Variants in GRID2 observed in about 807,000 individuals in gnomAD.
GRID2 encodes glutamate ionotropic receptor delta type subunit 2.
A neutral mutation model predicts 114.8 loss-of-function variants in GRID2; 33 were observed. That is an observed-to-expected ratio of 0.29 (90% CI 0.22 to 0.38). The LOEUF is 0.38. GRID2 is among the 10% of genes least tolerant of loss of function. The probability of loss-of-function intolerance (pLI) is 1.00; values close to 1 mark genes in which losing one functional copy is unlikely to be tolerated. For synonymous variants in GRID2, 505 were observed against 449.9 expected, an observed-to-expected ratio of 1.12 and a Z score of -1.55; for missense variants, 1,184 against 1,257.7, an observed-to-expected ratio of 0.94 and a Z score of 0.89.
At chr4:93,644,330 T>C (rs1217295612) in intron 14 of GRID2, among the ~76,000 whole-genome samples, 1 of 47,920 alleles carries the variant, frequency 2.1e-5, no homozygotes, top group Non-Finnish European at 4.1e-5. Flanking sequence ...CCATCTTGGC[T>C]CCTCCCCACT....
chr4:92,784,657 T>C (rs1482218417), intron 2 of GRID2, among the ~76,000 whole-genome samples: 1 of 151,920 alleles, frequency 6.6e-6, no homozygotes, highest in Non-Finnish European at 1.5e-5. Context: ...GTCAATACTT[T>C]AGTGTTTGCT....
At chr4:92,689,925 C>G (rs1313655497) in intron 2 of GRID2, among the ~76,000 whole-genome samples, 2 of 152,144 alleles carry the variant, frequency 1.3e-5, no homozygotes, top group African/African-American at 4.8e-5. Context: ...GGGCCTTACT[C>G]TGGATTAGGC....
intron 1 of GRID2, among the ~76,000 whole-genome samples, chr4:92,474,604 A>C (rs577720411): frequency 1.7e-4 from 26 of 152,224 alleles, no homozygotes; most frequent in Admixed American, 1.4e-3. Context: ...CCTGTTTTTC[A>C]TAATGATGGT....
intron 2 of GRID2, among the ~76,000 whole-genome samples, chr4:92,760,450 A>G (rs1737951115): frequency 6.6e-6 from 1 of 152,106 alleles, no homozygotes; most frequent in Non-Finnish European, 1.5e-5. Flanking sequence ...GGTCACAGCC[A>G]GTGCTTGTGA....
At chr4:92,575,412 CTG>C (rs1727836556) in intron 1 of GRID2, among the ~76,000 whole-genome samples, 1 of 152,136 alleles carries the variant, frequency 6.6e-6, no homozygotes, top group African/African-American at 2.4e-5. Context: ...TGTGAGTTTT[CTG>C]TGTTTTTGCA....
At chr4:92,811,387 T>C (rs1740656359) in intron 2 of GRID2, among the ~76,000 whole-genome samples, 1 of 152,248 alleles carries the variant, frequency 6.6e-6, no homozygotes, top group South Asian at 2.1e-4. Flanking sequence ...GTATTATCTG[T>C]AAAATTGCTT....
At chr4:93,741,447 G>A (rs1252704156) in intron 14 of GRID2, among the ~76,000 whole-genome samples, 1 of 151,784 alleles carries the variant, frequency 6.6e-6, no homozygotes, top group Non-Finnish European at 1.5e-5. Flanking sequence ...TCATAGCTTT[G>A]TTTATACTAA....
At chr4:93,161,605 A>T (rs1319802171) in intron 4 of GRID2, among the ~76,000 whole-genome samples, 1 of 151,852 alleles carries the variant, frequency 6.6e-6, no homozygotes, top group African/African-American at 2.4e-5. Flanking sequence ...TTTAGACCAG[A>T]TTTTGAAATA....
chr4:92,619,606 G>A lies in GRID2; in HGVS notation c.244+29320G>A, dbSNP rs375268213. Reference sequence around the variant, plus strand: ...CTACACACCATTCCAAATCAAATCAGCTCCCCTCCCAACCCCGGCATGGAA... The same window carrying A: ...CTACACACCATTCCAAATCAAATCAACTCCCCTCCCAACCCCGGCATGGAA... On this transcript the variant is annotated intron_variant, in intron 2 of 15. Transcript: ENST00000282020. Among the ~76,000 whole-genome samples, 56 of 151,642 alleles carry A rather than the reference G, an allele frequency of 3.7e-4. 1 individual carries two copies. The highest frequency in any genetic ancestry group is 1.8e-3 in the East Asian group (9 of 5,124).
chr4:92,462,874 C>A (rs1721564655), intron 1 of GRID2, among the ~76,000 whole-genome samples: 1 of 151,852 alleles, frequency 6.6e-6, no homozygotes, highest in Non-Finnish European at 1.5e-5. Context: ...CTATGGAGGG[C>A]CATGTGACCA....
chr4:93,073,664 GA>G (rs1280850770), intron 2 of GRID2, among the ~76,000 whole-genome samples: 5 of 152,102 alleles, frequency 3.3e-5, no homozygotes. Flanking sequence ...GGGGAAGGGG[GA>G]AAAATCCTCT....
chr4:93,364,228 G>C (rs1298808054), intron 8 of GRID2, among the ~76,000 whole-genome samples: 1 of 151,918 alleles, frequency 6.6e-6, no homozygotes, highest in Non-Finnish European at 1.5e-5. Flanking sequence ...TTGTTTGTAG[G>C]TAATCTGTTT....
At chr4:93,521,287 A>T (rs771750740) in intron 13 of GRID2, among the ~76,000 whole-genome samples, 1 of 152,168 alleles carries the variant, frequency 6.6e-6, no homozygotes, top group Non-Finnish European at 1.5e-5. Context: ...ATTTAAGGCC[A>T]CAAGGCTGGA....
chr4:92,803,741 G>C (rs1740282135), intron 2 of GRID2, among the ~76,000 whole-genome samples: 1 of 152,016 alleles, frequency 6.6e-6, no homozygotes, highest in Admixed American at 6.6e-5. Context: ...TTATTGCATT[G>C]AATGCTAAAA....
At chr4:93,279,164 T>C (rs988061424) in intron 8 of GRID2, among the ~76,000 whole-genome samples, 1 of 151,720 alleles carries the variant, frequency 6.6e-6, no homozygotes, top group Admixed American at 6.6e-5. Context: ...ATAATTCCAA[T>C]AAATGTTTAA....
intron 14 of GRID2, among the ~76,000 whole-genome samples, chr4:93,703,237 T>A (rs769245798): frequency 9.2e-5 from 14 of 152,168 alleles, no homozygotes; most frequent in Non-Finnish European, 1.6e-4. Flanking sequence ...CTAATTCTTA[T>A]TGAATAGGAG....
chr4:92,658,134 T>TA (rs1732338309), intron 2 of GRID2, among the ~76,000 whole-genome samples: 1 of 151,766 alleles, frequency 6.6e-6, no homozygotes, highest in African/African-American at 2.4e-5. Flanking sequence ...TTTACTATGG[T>TA]AAAAAATGTT....
intron 8 of GRID2, among the ~76,000 whole-genome samples, chr4:93,293,659 A>T (rs1378529384): frequency 6.6e-6 from 1 of 152,188 alleles, no homozygotes; most frequent in Non-Finnish European, 1.5e-5. Flanking sequence ...CGGGAAATCA[A>T]CCCAATAAGC....
At chr4:93,114,276 A>G (rs540196799) in intron 4 of GRID2, among the ~76,000 whole-genome samples, 2 of 152,236 alleles carry the variant, frequency 1.3e-5, no homozygotes, top group South Asian at 4.1e-4. Flanking sequence ...TCATTAAAGG[A>G]ATTTTCATTG....
Sources: gnomAD v4.1 joint callset for allele counts (sites outside exome capture counted in the v4.1 genomes callset) on GRCh38, gnomAD v4.1.1 for gene constraint, MANE v1.5 for transcripts, NCBI Gene and HGNC (gene_info 2026-07-23, HGNC 2026-07-21) for gene names.